Variants in PCDH9 observed in about 807,000 individuals in gnomAD.
PCDH9 encodes the protein protocadherin 9, also known as protocadherin-9.
Under a neutral mutation model 70.6 loss-of-function variants are expected in PCDH9, and 24 were observed. The observed-to-expected ratio is 0.34, with a 90% CI of 0.25 to 0.48. PCDH9 has a LOEUF of 0.48. PCDH9 is among the 20% of genes least tolerant of loss of function. The pLI, the probability that PCDH9 is intolerant of heterozygous loss-of-function variation, is 0.99. For missense variants in PCDH9, 1,281 were observed against 1,503.6 expected (o/e 0.85, Z 2.45); for synonymous variants, 562 against 558.5 (o/e 1.01, Z -0.09).
chr13:66,616,598 G>A (rs1170325355), intron 4 of PCDH9, among the ~76,000 whole-genome samples: 1 of 149,494 alleles, frequency 6.7e-6, no homozygotes, highest in Non-Finnish European at 1.5e-5. Flanking sequence ...AATGGGTAAT[G>A]TAAAAATCTG....
chr13:67,027,559 T>C (rs895645600), intron 2 of PCDH9, among the ~76,000 whole-genome samples: 2 of 150,876 alleles, frequency 1.3e-5, no homozygotes, highest in African/African-American at 4.9e-5. Context: ...AAAGCCAAAA[T>C]TGACAAATGG....
chr13:66,355,407 A>G (rs1215355369), intron 4 of PCDH9, among the ~76,000 whole-genome samples: 2 of 152,058 alleles, frequency 1.3e-5, no homozygotes, highest in Non-Finnish European at 2.9e-5. Flanking sequence ...TTTATACTGA[A>G]AAAAGTGTCC....
At chr13:66,810,524 T>C (rs555656442) in intron 3 of PCDH9, among the ~76,000 whole-genome samples, 5 of 152,144 alleles carry the variant, frequency 3.3e-5, no homozygotes, top group Admixed American at 2.0e-4. Context: ...TGTAAAGTAC[T>C]GGGAGCAGGT....
chr13:66,447,903 A>G (rs1228636837), intron 4 of PCDH9, among the ~76,000 whole-genome samples: 1 of 152,154 alleles, frequency 6.6e-6, no homozygotes, highest in Non-Finnish European at 1.5e-5. Flanking sequence ...ATATGAGGTA[A>G]TGACATTATA....
intron 3 of PCDH9, among the ~76,000 whole-genome samples, chr13:66,674,650 A>G (rs1381307953): frequency 6.6e-6 from 1 of 152,132 alleles, no homozygotes; most frequent in Non-Finnish European, 1.5e-5. Context: ...TAAAAATTAC[A>G]ACAAAGATAA....
intron 3 of PCDH9, among the ~76,000 whole-genome samples, chr13:66,784,379 A>C (rs569038818): frequency 1.3e-5 from 2 of 152,108 alleles, no homozygotes; most frequent in Non-Finnish European, 2.9e-5. Flanking sequence ...TGCAGTGTAG[A>C]GTTGTAAAAG....
chr13:66,942,588 G>T (rs2083024001), intron 2 of PCDH9, among the ~76,000 whole-genome samples: 2 of 151,970 alleles, frequency 1.3e-5, no homozygotes, highest in African/African-American at 2.4e-5. Context: ...AGGAATTGTT[G>T]ATGAAAGCGT....
intron 2 of PCDH9, among the ~76,000 whole-genome samples, chr13:67,132,276 G>A (rs1057221812): frequency 3.3e-5 from 5 of 151,906 alleles, no homozygotes; most frequent in Admixed American, 1.3e-4. Flanking sequence ...CTACATTACC[G>A]TACTTTCCCG....
chr13:67,040,776 T>C (rs78500103), intron 2 of PCDH9, among the ~76,000 whole-genome samples: 16,232 of 152,208 alleles, frequency 0.11, 951 homozygotes, highest in Middle Eastern at 0.16. Flanking sequence ...CTTTTGCTGG[T>C]AAAATTTTTT....
At chr13:66,751,225 A>G (rs1242557354) in intron 3 of PCDH9, among the ~76,000 whole-genome samples, 3 of 151,762 alleles carry the variant, frequency 2.0e-5, no homozygotes, top group Non-Finnish European at 4.4e-5. Flanking sequence ...TTTTTTTTTC[A>G]TTTTATAGAT....
intron 2 of PCDH9, among the ~76,000 whole-genome samples, chr13:67,066,426 G>T (rs1269849466): frequency 6.6e-6 from 1 of 152,088 alleles, no homozygotes; most frequent in Non-Finnish European, 1.5e-5. Flanking sequence ...TAGAGACGGG[G>T]TTTCACCACG....
At chr13:66,561,091 T>A (rs1961996944) in intron 4 of PCDH9, among the ~76,000 whole-genome samples, 1 of 152,212 alleles carries the variant, frequency 6.6e-6, no homozygotes, top group Non-Finnish European at 1.5e-5. Flanking sequence ...GAACCCGGGC[T>A]GCGCGTGGTG....
At chr13:66,771,739 C>A (rs939492508) in intron 3 of PCDH9, among the ~76,000 whole-genome samples, 1 of 152,168 alleles carries the variant, frequency 6.6e-6, no homozygotes, top group African/African-American at 2.4e-5. Flanking sequence ...ATACATTAGG[C>A]AAATTGATTT....
chr13:66,636,767 TAC>T (rs35673213), intron 3 of PCDH9, among the ~76,000 whole-genome samples: 3 of 151,580 alleles, frequency 2.0e-5, no homozygotes, highest in South Asian at 2.1e-4. Flanking sequence ...GCTAAATACA[TAC>T]ACACACACAC....
At chr13:66,537,064 G>T (rs1960735565) in intron 4 of PCDH9, among the ~76,000 whole-genome samples, 1 of 152,090 alleles carries the variant, frequency 6.6e-6, no homozygotes. Context: ...TTGACAAATA[G>T]ACCTCAATTT....
chr13:66,351,060 TTAA>T lies in PCDH9; in HGVS notation c.3341-46035_3341-46033del, dbSNP rs554608623. Among the ~76,000 whole-genome samples the T allele has an allele frequency of 5.3e-5, 8 of 152,338 alleles. No homozygotes were observed. The East Asian group carries it at 7.7e-4, about 15-fold the overall frequency. On this transcript the variant is annotated intron_variant, in intron 4 of 4. Coordinates refer to ENST00000377865, the MANE Select transcript of PCDH9 (RefSeq NM_203487.3). ...TAGCTCAAAGGATAGAATTATGATA[TTAA>T]TAATGATTTTAAAATAACTCTTATT...
chr13:66,768,535 T>G (rs2079755399), intron 3 of PCDH9, among the ~76,000 whole-genome samples: 1 of 152,072 alleles, frequency 6.6e-6, no homozygotes, highest in Non-Finnish European at 1.5e-5. Context: ...GTGTAAATTC[T>G]GAATCTAATG....
At chr13:66,976,074 C>T (rs1281372033) in intron 2 of PCDH9, among the ~76,000 whole-genome samples, 1 of 151,872 alleles carries the variant, frequency 6.6e-6, no homozygotes, top group African/African-American at 2.4e-5. Flanking sequence ...AAAGATAGGG[C>T]ATGTACAAAG....
chr13:66,306,553 A>C (rs1955469816), intron 4 of PCDH9, among the ~76,000 whole-genome samples: 1 of 151,472 alleles, frequency 6.6e-6, no homozygotes, highest in African/African-American at 2.4e-5. Flanking sequence ...AAATTGTTTA[A>C]AAACAGAACA....
Sources: allele counts gnomAD v4.1 joint callset (sites outside exome capture counted in the v4.1 genomes callset), GRCh38; gene constraint gnomAD v4.1.1; transcripts MANE v1.5; gene names NCBI Gene and HGNC (gene_info 2026-07-23, HGNC 2026-07-21).